The following CSMD2 variants were observed in gnomAD, a reference collection of about 807,000 sequenced individuals.
CSMD2 encodes CUB and sushi domain-containing protein 2.
A neutral mutation model predicts 398.5 loss-of-function variants in CSMD2; 130 were observed. That is an observed-to-expected ratio of 0.33 (90% CI 0.28 to 0.38). The LOEUF (loss-of-function observed/expected upper bound fraction) is 0.38, where lower values mean the gene tolerates loss of function less well. CSMD2 is among the 10% of genes least tolerant of loss of function. The pLI is 1.00. For synonymous variants in CSMD2, 1,828 were observed against 1,908.5 expected, an observed-to-expected ratio of 0.96 and a Z score of 1.10; for missense variants, 3,829 against 4,764.9, an observed-to-expected ratio of 0.80 and a Z score of 5.78.
chr1:33,811,501 C>G (rs1656865881), intron 9 of CSMD2, among the ~76,000 whole-genome samples: 1 of 152,184 alleles, frequency 6.6e-6, no homozygotes, highest in Non-Finnish European at 1.5e-5. Context: ...CCTGACTCAG[C>G]TCAGTGCCAG....
At chr1:34,053,233 A>G (rs1352673809) in intron 2 of CSMD2, among the ~76,000 whole-genome samples, 1 of 152,124 alleles carries the variant, frequency 6.6e-6, no homozygotes, top group African/African-American at 2.4e-5. Context: ...TCAGTCTCAT[A>G]TTCATTCTCT....
chr1:33,522,171 A>G (rs1324640441), intron 67 of CSMD2, among the ~76,000 whole-genome samples: 1 of 152,128 alleles, frequency 6.6e-6, no homozygotes, highest in African/African-American at 2.4e-5. Context: ...TGCTGTGAGG[A>G]TGCCTGTGCT....
At position 33,886,976 on chromosome 1, in the gene CSMD2, T is replaced by C. The variant is rs796439639; in HGVS notation, c.920+31118A>G. On this transcript the variant is annotated intron_variant, in intron 5 of 70. Coordinates refer to ENST00000373381, the MANE Select transcript of CSMD2 (RefSeq NM_001281956.2). Reference sequence around the variant, plus strand: ...AGAGGGGGACACTGAGACTCAGAGGTTTTTTTTTTTAAATTTATTTAAATA... The same window carrying C: ...AGAGGGGGACACTGAGACTCAGAGGCTTTTTTTTTTAAATTTATTTAAATA... Among the ~76,000 whole-genome samples the C allele has an allele frequency of 7.4e-5, 11 of 147,852 alleles. 1 individual carries two copies. The highest frequency in any genetic ancestry group is 2.7e-4 in the African/African-American group (11 of 40,546).
At chr1:34,115,186 G>GA (rs1421523037) in intron 1 of CSMD2, among the ~76,000 whole-genome samples, 6 of 151,850 alleles carry the variant, frequency 4.0e-5, no homozygotes, top group Non-Finnish European at 8.8e-5. Flanking sequence ...AAGCTTATTT[G>GA]AAAAAAATAA....
At chr1:33,961,202 C>T (rs146286070) in intron 3 of CSMD2, among the ~76,000 whole-genome samples, 1 of 152,230 alleles carries the variant, frequency 6.6e-6, no homozygotes, top group South Asian at 2.1e-4. Context: ...CCTGCAGGTG[C>T]ATCAGTGGGT....
At chr1:33,554,980 A>G (rs1426776133) in intron 55 of CSMD2, among the ~76,000 whole-genome samples, 2 of 152,208 alleles carry the variant, frequency 1.3e-5, no homozygotes, top group African/African-American at 2.4e-5. Flanking sequence ...AAGTCTTATT[A>G]TGTAAGAAAT....
At chr1:33,726,404 C>T (rs1361006103) in intron 16 of CSMD2, 143 bp downstream of exon 16, 6 of 960,684 alleles carry the variant, frequency 6.2e-6, no homozygotes, top group Non-Finnish European at 9.0e-6. Context: ...CTGCCCCACC[C>T]AGGGCAATTT....
At chr1:33,714,943 GAGA>G (rs1646118988) in intron 20 of CSMD2, among the ~76,000 whole-genome samples, 168 bp from the exon 21 acceptor site, 1 of 152,202 alleles carries the variant, frequency 6.6e-6, no homozygotes, top group Admixed American at 6.5e-5. Context: ...GGCCCAAAAA[GAGA>G]AGAAGTGAGA....
intron 3 of CSMD2, among the ~76,000 whole-genome samples, chr1:34,012,555 C>T (rs979953451): frequency 2.0e-5 from 3 of 152,004 alleles, no homozygotes; most frequent in African/African-American, 7.3e-5. Flanking sequence ...GATTCTCCTG[C>T]CTCAACCTCC....
chr1:34,056,733 T>C (rs72667714), intron 2 of CSMD2, among the ~76,000 whole-genome samples: 5,767 of 152,282 alleles, frequency 0.038, 127 homozygotes, highest in East Asian at 0.062. Context: ...ATCACCTGGG[T>C]TGGATTTCCA....
chr1:34,129,701 T>C (rs1361622338), intron 1 of CSMD2, among the ~76,000 whole-genome samples: 2 of 152,182 alleles, frequency 1.3e-5, no homozygotes, highest in African/African-American at 2.4e-5. Flanking sequence ...ATAGCTGGGA[T>C]TGCATCCTCA....
At chr1:33,848,813 T>G (rs1298619269) in intron 5 of CSMD2, among the ~76,000 whole-genome samples, 1 of 151,244 alleles carries the variant, frequency 6.6e-6, no homozygotes, top group African/African-American at 2.4e-5. Context: ...ATTGTGGGTT[T>G]TTTTTTTTTT....
intron 60 of CSMD2, among the ~76,000 whole-genome samples, chr1:33,539,234 G>C (rs1021350078): frequency 2.0e-5 from 3 of 152,176 alleles, no homozygotes; most frequent in African/African-American, 7.2e-5. Context: ...CCAAAGTGCT[G>C]AGATTATGGG....
chr1:33,831,012 G>GA (rs1340655572), intron 6 of CSMD2, among the ~76,000 whole-genome samples: 2 of 152,222 alleles, frequency 1.3e-5, no homozygotes, highest in Non-Finnish European at 2.9e-5. Context: ...GGGACTATGT[G>GA]AAAAGACCAA....
intron 25 of CSMD2, among the ~76,000 whole-genome samples, chr1:33,669,502 C>T (rs1273269675): frequency 1.3e-5 from 2 of 152,164 alleles, no homozygotes; most frequent in Non-Finnish European, 2.9e-5. Flanking sequence ...ACCAAGTCCC[C>T]CCTGGGCTTC....
chr1:33,709,083 T>G lies in CSMD2; in HGVS notation c.3576+6A>C. The G allele has an allele frequency of 6.2e-7, 1 of 1,608,786 alleles. No individual in the cohort carries two copies. The highest frequency in any genetic ancestry group is 8.5e-7 in the Non-Finnish European group (1 of 1,177,498). On this transcript the variant is annotated splice_donor_region_variant and intron_variant, in intron 22 of 70. Coordinates refer to ENST00000373381, the MANE Select transcript of CSMD2 (RefSeq NM_001281956.2). Reference sequence around the variant, plus strand: ...ACACACATACTCTGAAATCGATCAATTTTACCTTGAGGACATCTCCTTCGG... The same window carrying G: ...ACACACATACTCTGAAATCGATCAAGTTTACCTTGAGGACATCTCCTTCGG...
Position 33,572,577 on chromosome 1 carries a change from C to T in CSMD2, c.7691G>A (p.Gly2564Asp). The change falls in exon 50 of 71, where the codon GGC (glycine) becomes GAC (aspartate). Residue 2564 changes from glycine to aspartate, a missense_variant. This residue lies in a region of CSMD2 where 723 missense variants were observed against 758.6 expected (regional missense o/e 0.95). Coordinates refer to ENST00000373381, the MANE Select transcript of CSMD2 (RefSeq NM_001281956.2). Reference protein sequence around the residue: ...SCSEGYHLQAGAEATAECLDT... With the variant: ...SCSEGYHLQADAEATAECLDT... The stretch of plus-strand genomic sequence containing the variant: ...CAGACACTCTGCAGTGGCCTCAGCG[C>T]CTGCCTGGAGGTGGTAGCCTTCACT... 13 of 1,614,116 alleles carry T rather than the reference C, an allele frequency of 8.1e-6. No homozygotes were observed. Among genetic ancestry groups the T allele is most frequent in the Non-Finnish European group, 1.1e-5 (13 of 1,179,992 alleles).
At position 33,559,267 on chromosome 1, in the gene CSMD2, G is replaced by A. The variant is rs566652801; in HGVS notation, c.8554+33C>T. On this transcript the variant is annotated intron_variant, in intron 54 of 70. Transcript: ENST00000373381. This position sits in a 1 kb window ranked among gnomAD's most constrained non-coding sequence, Gnocchi z 4.0. ...CAGAACCACATATAGCAGAGATGGT[G>A]GGGACTGGATTGGGAGAGAAAGGGT... The A allele has an allele frequency of 2.4e-3, 3,662 of 1,526,134 alleles. 6 individuals carry two copies. The highest frequency in any genetic ancestry group is 3.0e-3 in the Non-Finnish European group (3,376 of 1,140,288). 94.5% of individuals were successfully genotyped at this position (1,526,134 alleles called of 1,614,324 possible). A position where few individuals can be genotyped will look rare whatever the true frequency, so the allele number is the denominator to read the frequency against.
intron 13 of CSMD2, among the ~76,000 whole-genome samples, chr1:33,757,909 C>T (rs1460792510): frequency 6.6e-6 from 1 of 152,198 alleles, no homozygotes; most frequent in Non-Finnish European, 1.5e-5. Flanking sequence ...CCAGAGTCTA[C>T]CTGGTGTCCT....
Sources: gnomAD v4.1 joint callset for allele counts (sites outside exome capture counted in the v4.1 genomes callset) on GRCh38, gnomAD v4.1.1 for gene constraint, gnomAD v4.1.1 regional missense constraint, Gnocchi (gnomAD v3.1) non-coding constraint, MANE v1.5 for transcripts, NCBI Gene and HGNC (gene_info 2026-07-23, HGNC 2026-07-21) for gene names.